Variants in FSIP2 observed in about 807,000 individuals in gnomAD.
The protein encoded by FSIP2 is fibrous sheath interacting protein 2.
In FSIP2, 367 loss-of-function variants were observed where a neutral mutation model predicts 510.5. The observed-to-expected ratio is 0.72, with a 90% CI of 0.66 to 0.78. The LOEUF is 0.78. FSIP2 is among the 30% of genes least tolerant of loss of function. The pLI is 0.00. For missense variants in FSIP2, 7,594 were observed against 7,901.7 expected (o/e 0.96, Z 1.48); for synonymous variants, 2,601 against 2,732.2 (o/e 0.95, Z 1.50).
At chr2:185,760,507 T>A (rs540569606) in intron 9 of FSIP2, among the ~76,000 whole-genome samples, 1 of 147,348 alleles carries the variant, frequency 6.8e-6, no homozygotes, top group African/African-American at 2.4e-5. Context: ...ATATTTATTA[T>A]AATAAAATAA....
Position 185,791,589 on chromosome 2 carries a change from A to G in FSIP2, c.4453A>G (p.Lys1485Glu), listed in dbSNP as rs1005722617. Residue 1485 changes from lysine to glutamate, a missense_variant, in exon 16 of 23, where the codon AAA becomes GAA. Physicochemically the swap from Lys to Glu is moderately conservative, Grantham distance 56 (BLOSUM62 1). Coordinates refer to ENST00000424728, the MANE Select transcript of FSIP2 (RefSeq NM_173651.4). ...GCAGTCTAATATTCAGTTAATTTCT[A>G]AAGCAATTTTGGATTATATCCTTGC... ...ALQSNIQLIS[K>E]AILDYILAKL... 9 of 1,534,072 alleles carry G rather than the reference A, an allele frequency of 5.9e-6. No individual in the cohort carries two copies. The African/African-American group carries it at 1.2e-4, about 21-fold the overall frequency.
chr2:185,777,650 G>A (rs1363573204), intron 13 of FSIP2, among the ~76,000 whole-genome samples: 1 of 151,986 alleles, frequency 6.6e-6, no homozygotes, highest in Non-Finnish European at 1.5e-5. Context: ...TTATGTATCT[G>A]TTAAGGCTAT....
chr2:185,831,148 T>G (rs1284341188), intron 21 of FSIP2, among the ~76,000 whole-genome samples: 2 of 151,940 alleles, frequency 1.3e-5, no homozygotes, highest in Non-Finnish European at 2.9e-5. Context: ...TTTTACTGAT[T>G]TTTAACAGAT....
At chr2:185,744,182 AAT>A (rs1691980160) in intron 3 of FSIP2, 138 bp from the exon 4 acceptor site, 3 of 197,724 alleles carry the variant, frequency 1.5e-5, no homozygotes, top group African/African-American at 7.0e-5. Context: ...TTTATGCCAA[AAT>A]GTCATCAAAT....
At position 185,791,973 on chromosome 2, in the gene FSIP2, A is replaced by T. The variant is rs1320746379; in HGVS notation, c.4837A>T (p.Lys1613Ter). The change falls in exon 16 of 23, where the codon AAA becomes TAA. Residue 1613 changes from lysine (K) to a stop codon, truncating the protein, a stop_gained. Coordinates refer to ENST00000424728, the MANE Select transcript of FSIP2 (RefSeq NM_173651.4). LOFTEE classifies it high-confidence loss of function. ...GGGTGCTATTAATGATGGAAATAAG[A>T]AAAGCAATAAGATAGGCTGGGAATA... ...ILGAINDGNK[K>*]SNKIGWEYES... 6.5e-7 allele frequency: 1 copy of T among 1,533,722 alleles called. No homozygotes were observed. The highest frequency in any genetic ancestry group is 8.7e-7 in the Non-Finnish European group (1 of 1,145,326).
chr2:185,788,694 G>A lies in FSIP2; in HGVS notation c.1558G>A (p.Val520Met), dbSNP rs1206939927. 8.5e-6 allele frequency: 13 copies of A among 1,530,852 alleles called. No individual in the cohort carries two copies. Among genetic ancestry groups the A allele is most frequent in the South Asian group, 1.2e-5 (1 of 83,468 alleles). 94.8% of individuals were successfully genotyped at this position (1,530,852 alleles called of 1,614,324 possible). ...IIIQNVMTWV[V>M]ATVTSILYPA... The stretch of plus-strand genomic sequence containing the variant: ...AATTCAGAATGTAATGACCTGGGTT[G>A]TGGCTACAGTGACCAGTATATTGTA... The change falls in exon 16 of 23, where the codon GTG (valine) becomes ATG (methionine). Residue 520 changes from valine (V) to methionine (M), a missense_variant. By Grantham distance (21) the Val-to-Met change is conservative (BLOSUM62 1). Transcript: ENST00000424728.
At position 185,804,717 on chromosome 2, in the gene FSIP2, T is replaced by C. The variant is rs929336504; in HGVS notation, c.15411T>C (p.Asn5137=). The change falls in exon 17 of 23, where the codon AAT becomes AAC. Residue 5137 remains asparagine, a synonymous_variant. Coordinates refer to ENST00000424728, the MANE Select transcript of FSIP2 (RefSeq NM_173651.4). ...TCTTCCCTTCAACTCACACTGAAAA[T>C]GAACTAAAAGAGAAAAAGTTTCCAC... ...GHVFPSTHTE[N]ELKEKKFPPD... 9 of 1,530,502 alleles carry C rather than the reference T, an allele frequency of 5.9e-6. No homozygotes were observed. The highest frequency in any genetic ancestry group is 7.9e-6 in the Non-Finnish European group (9 of 1,144,374). The allele number at this position is 1,530,502 out of a possible 1,614,324, so 94.8% of individuals were successfully genotyped here. A position where few individuals can be genotyped will look rare whatever the true frequency, so the allele number is the denominator to read the frequency against.
Position 185,794,653 on chromosome 2 carries a change from C to T in FSIP2, c.7517C>T (p.Pro2506Leu). The T allele has an allele frequency of 6.5e-7, 1 of 1,532,872 alleles. No homozygotes were observed. The highest frequency in any genetic ancestry group is 8.7e-7 in the Non-Finnish European group (1 of 1,145,308). 95.0% of individuals were successfully genotyped at this position (1,532,872 alleles called of 1,614,324 possible). A position where few individuals can be genotyped will look rare whatever the true frequency, so the allele number is the denominator to read the frequency against. ...QRVREVTGHL[P>L]PLNETANFIS... ...GTAAGGGAAGTCACAGGCCATTTGC[C>T]TCCACTTAATGAAACTGCCAACTTT... Residue 2506 changes from proline (P) to leucine (L), a missense_variant, in exon 16 of 23, where the codon CCT becomes CTT. Pro to Leu is a moderately conservative substitution (Grantham distance 98). Coordinates refer to ENST00000424728, the MANE Select transcript of FSIP2 (RefSeq NM_173651.4).
chr2:185,792,586 C>T lies in FSIP2; in HGVS notation c.5450C>T (p.Pro1817Leu), dbSNP rs1285265030. Residue 1817 changes from proline (P) to leucine (L), a missense_variant, in exon 16 of 23, where the codon CCA (proline) becomes CTA (leucine). Pro to Leu is a moderately conservative substitution (Grantham distance 98). Coordinates refer to ENST00000424728, the MANE Select transcript of FSIP2 (RefSeq NM_173651.4). ...GGCATGCCTCACAATGTTGATGAGC[C>T]AACTCCCCAAACATCTGTTCAATTT... Reference protein sequence around the residue: ...FNGMPHNVDEPTPQTSVQFMD... With the variant: ...FNGMPHNVDELTPQTSVQFMD... 1 of 1,533,876 alleles carries T rather than the reference C, an allele frequency of 6.5e-7. No homozygotes were observed. Among genetic ancestry groups the T allele is most frequent in the East Asian group, 2.4e-5 (1 of 40,832 alleles).
chr2:185,808,714 A>G lies in FSIP2; in HGVS notation c.19408A>G (p.Ile6470Val), dbSNP rs368342499. The G allele has an allele frequency of 5.8e-5, 94 of 1,612,186 alleles. 1 individual carries two copies. Among genetic ancestry groups the G allele is most frequent in the East Asian group, 4.5e-4 (20 of 44,732 alleles). ...AGTTTCAAGTTTTCCATTAGATACA[A>G]TTAACTCAACAATTTCAAATGCTGA... is the stretch of plus-strand genomic sequence containing the variant. Reference protein sequence around the residue: ...DGVSSFPLDTINSTISNADLS... With the variant: ...DGVSSFPLDTVNSTISNADLS... Residue 6470 changes from isoleucine (I) to valine (V), a missense_variant, in exon 17 of 23, where the codon ATT becomes GTT. Coordinates refer to ENST00000424728, the MANE Select transcript of FSIP2 (RefSeq NM_173651.4).
chr2:185,817,702 G>A (rs1398531017), intron 19 of FSIP2, among the ~76,000 whole-genome samples: 1 of 151,846 alleles, frequency 6.6e-6, no homozygotes, highest in Non-Finnish European at 1.5e-5. Context: ...AAAAAATGGG[G>A]AAAATGAAAT....
At chr2:185,824,593 T>C (rs1176354521) in intron 20 of FSIP2, 113 bp downstream of exon 20, 34 of 683,274 alleles carry the variant, frequency 5.0e-5, no homozygotes. Context: ...TGAGTTTATC[T>C]ACTTTTGAAA....
At chr2:185,829,317 T>C (rs16827202) in intron 21 of FSIP2, among the ~76,000 whole-genome samples, 40,909 of 151,882 alleles carry the variant, frequency 0.27, 6,249 homozygotes, top group East Asian at 0.46. Flanking sequence ...AACTAAACAC[T>C]GTGGGTAACT....
At chr2:185,787,882 C>A (rs919886506) in intron 15 of FSIP2, 4 of 151,572 alleles carry the variant, frequency 2.6e-5, no homozygotes, top group African/African-American at 9.7e-5. Context: ...AATTTGTTAC[C>A]TTACTTTAGT....
intron 7 of FSIP2, among the ~76,000 whole-genome samples, chr2:185,752,275 T>G (rs1692164389): frequency 6.6e-6 from 1 of 151,162 alleles, no homozygotes; most frequent in Non-Finnish European, 1.5e-5. Context: ...TTCTCTACAT[T>G]GATTCCAAGA....
chr2:185,748,707 C>G (rs1341133251), intron 7 of FSIP2, among the ~76,000 whole-genome samples: 4 of 151,998 alleles, frequency 2.6e-5, no homozygotes, highest in African/African-American at 9.7e-5. Context: ...TCAAATCAGC[C>G]TGGGAGGAGT....
Position 185,797,024 on chromosome 2 carries a change from A to C in FSIP2, c.9888A>C (p.Lys3296Asn). 6.5e-7 allele frequency: 1 copy of C among 1,535,240 alleles called. No individual in the cohort carries two copies. The highest frequency in any genetic ancestry group is 1.2e-5 in the South Asian group (1 of 84,026). ...KQVLSFIEMG[K>N]GENLRVFHYE... ...TCTTGTCATTCATAGAAATGGGAAA[A>C]GGTGAAAATCTAAGAGTGTTTCATT... Residue 3296 changes from lysine (K) to asparagine (N), a missense_variant, in exon 16 of 23, where the codon AAA becomes AAC. Physicochemically the swap from Lys to Asn is moderately conservative, Grantham distance 94 (BLOSUM62 0). Transcript: ENST00000424728.
intron 13 of FSIP2, chr2:185,764,847 T>C: frequency 3.7e-6 from 1 of 267,242 alleles, no homozygotes; most frequent in East Asian, 6.6e-5. Flanking sequence ...GCCTTTATAA[T>C]TTAGAAAGAG....
At chr2:185,759,759 A>G (rs1692314537) in intron 9 of FSIP2, among the ~76,000 whole-genome samples, 1 of 149,750 alleles carries the variant, frequency 6.7e-6, no homozygotes, top group African/African-American at 2.4e-5. Context: ...AATGCCTTGT[A>G]TATTTTGTAT....
Sources: gnomAD v4.1 joint callset for allele counts (sites outside exome capture counted in the v4.1 genomes callset) on GRCh38, gnomAD v4.1.1 for gene constraint, MANE v1.5 for transcripts, NCBI Gene and HGNC (gene_info 2026-07-23, HGNC 2026-07-21) for gene names.